Variants in TAOK1 observed in about 807,000 individuals in gnomAD.
The protein encoded by TAOK1 is serine/threonine-protein kinase TAO1.
Under a neutral mutation model 138.3 loss-of-function variants are expected in TAOK1, and 21 were observed. The ratio of observed to expected loss-of-function variants is 0.15; its 90% CI spans 0.11 to 0.22. TAOK1 has a LOEUF of 0.22. TAOK1 is among the 10% of genes least tolerant of loss of function. The pLI is 1.00. For synonymous variants in TAOK1, 361 were observed against 398.4 expected (o/e 0.91, Z 1.12); for missense variants, 651 against 1,227.7 (o/e 0.53, Z 7.02).
intron 19 of TAOK1, among the ~76,000 whole-genome samples, chr17:29,537,381 A>C (rs2032240029): frequency 6.6e-6 from 1 of 151,704 alleles, no homozygotes; most frequent in Non-Finnish European, 1.5e-5. Context: ...ACAGAGACTC[A>C]CTCTGTTGCC....
chr17:29,453,954 G>A (rs189302657), intron 2 of TAOK1, among the ~76,000 whole-genome samples: 29 of 150,478 alleles, frequency 1.9e-4, no homozygotes, highest in African/African-American at 5.9e-4. Flanking sequence ...GACCACAAGC[G>A]TGCACCACCA....
chr17:29,513,077 G>T (rs2031753604), intron 15 of TAOK1: 1 of 115,724 alleles, frequency 8.6e-6, no homozygotes, highest in African/African-American at 3.5e-5. Flanking sequence ...CCGTCTTATA[G>T]GATGATTGAA....
At chr17:29,409,403 C>T (rs531921205) in intron 1 of TAOK1, among the ~76,000 whole-genome samples, 2 of 141,642 alleles carry the variant, frequency 1.4e-5, no homozygotes, top group African/African-American at 2.7e-5. Flanking sequence ...GGTGAAATCT[C>T]GGCTCACTGC....
chr17:29,502,630 A>G lies in TAOK1; in HGVS notation c.1245A>G (p.Arg415=), dbSNP rs748288837. ...NYREEGDPRT[R]ASDPQSPPQV... Reference sequence around the variant, plus strand: ...GAGAAGAGGGAGATCCTAGAACAAGAGCATCAGATCCACAATCTCCACCCC... The same window carrying G: ...GAGAAGAGGGAGATCCTAGAACAAGGGCATCAGATCCACAATCTCCACCCC... Residue 415 remains arginine, a synonymous_variant, in exon 13 of 20, where the codon AGA becomes AGG. Coordinates refer to ENST00000261716, the MANE Select transcript of TAOK1 (RefSeq NM_020791.4). The G allele has an allele frequency of 1.2e-5, 20 of 1,613,638 alleles. No homozygotes were observed. In the East Asian group the frequency reaches 4.5e-4, roughly 36 times the overall value.
At chr17:29,443,525 A>T (rs2030000269) in intron 1 of TAOK1, among the ~76,000 whole-genome samples, 1 of 152,180 alleles carries the variant, frequency 6.6e-6, no homozygotes, top group Non-Finnish European at 1.5e-5. Context: ...CACCCACAAA[A>T]ATTATGTATG....
chr17:29,450,783 T>C (rs1383329132), intron 1 of TAOK1, among the ~76,000 whole-genome samples: 1 of 152,188 alleles, frequency 6.6e-6, no homozygotes, highest in Non-Finnish European at 1.5e-5. Flanking sequence ...CCCAAAGAGC[T>C]GGGATTACAG....
intron 3 of TAOK1, among the ~76,000 whole-genome samples, chr17:29,471,986 C>T (rs1172148891): frequency 6.6e-6 from 1 of 152,188 alleles, no homozygotes; most frequent in East Asian, 1.9e-4. Flanking sequence ...GTAGTCACAT[C>T]TTCAGGCTCC....
At chr17:29,446,038 CAG>C (rs1361037283) in intron 1 of TAOK1, among the ~76,000 whole-genome samples, 5 of 152,078 alleles carry the variant, frequency 3.3e-5, no homozygotes, top group African/African-American at 1.2e-4. Context: ...TCTGTGTTGT[CAG>C]ATTTATGAGC....
intron 1 of TAOK1, among the ~76,000 whole-genome samples, chr17:29,448,674 A>G (rs2030155586): frequency 6.6e-6 from 1 of 152,186 alleles, no homozygotes; most frequent in South Asian, 2.1e-4. Flanking sequence ...TAACAACTTT[A>G]AAGTTTTTGT....
intron 8 of TAOK1, among the ~76,000 whole-genome samples, chr17:29,487,379 G>A (rs1567732132): frequency 6.7e-6 from 1 of 150,122 alleles, no homozygotes; most frequent in African/African-American, 2.5e-5. Context: ...TAAATTTATT[G>A]TTTTCAAATA....
chr17:29,517,018 G>C (rs933571438), intron 15 of TAOK1, among the ~76,000 whole-genome samples: 1 of 147,876 alleles, frequency 6.8e-6, no homozygotes, highest in Non-Finnish European at 1.5e-5. Context: ...ACAGAGTCTC[G>C]CTCTGTCACC....
intron 1 of TAOK1, among the ~76,000 whole-genome samples, chr17:29,446,066 G>A (rs1288453424): frequency 3.3e-5 from 5 of 151,998 alleles, no homozygotes; most frequent in Non-Finnish European, 2.9e-5. Flanking sequence ...GCTGTTCATT[G>A]TATTTCCTCA....
chr17:29,450,014 T>C (rs2030191885), intron 1 of TAOK1, among the ~76,000 whole-genome samples: 2 of 152,136 alleles, frequency 1.3e-5, no homozygotes, highest in Admixed American at 1.3e-4. Flanking sequence ...CACTGTGAAG[T>C]AGATTTTTTC....
chr17:29,429,912 AG>A (rs1905771402), intron 1 of TAOK1, among the ~76,000 whole-genome samples: 1 of 152,214 alleles, frequency 6.6e-6, no homozygotes, highest in South Asian at 2.1e-4. Context: ...TAAGACTATA[AG>A]ATCTAATCAA....
At chr17:29,440,355 A>T (rs950042283) in intron 1 of TAOK1, among the ~76,000 whole-genome samples, 1 of 152,118 alleles carries the variant, frequency 6.6e-6, no homozygotes, top group Non-Finnish European at 1.5e-5. Context: ...TGAGAGAGAC[A>T]TTACAAGAAT....
chr17:29,397,672 T>TATACATGTATAGATGTATATTCATGTATG (rs74203913), intron 1 of TAOK1, among the ~76,000 whole-genome samples: 1 of 59,614 alleles, frequency 1.7e-5, no homozygotes, highest in Admixed American at 1.7e-4. Context: ...ATGATACATG[T>TATACATGTATAGATGTATATTCATGTATG]ATACATGTAT....
intron 8 of TAOK1, among the ~76,000 whole-genome samples, chr17:29,486,192 G>A (rs553189021): frequency 1.3e-5 from 2 of 152,288 alleles, no homozygotes; most frequent in Non-Finnish European, 2.9e-5. Flanking sequence ...TGGGGGCTGA[G>A]GTGAGAGGAT....
Position 29,481,196 on chromosome 17 carries a change from C to CT in TAOK1, c.563+730dup, listed in dbSNP as rs35861778. Among the ~76,000 whole-genome samples, 842 of 142,790 alleles carry CT rather than the reference C, an allele frequency of 5.9e-3. 2 individuals are homozygous for CT. Among genetic ancestry groups the CT allele is most frequent in the African/African-American group, 0.015 (565 of 38,878 alleles). The allele number at this position is 142,790 out of a possible 152,430, so 93.7% of individuals were successfully genotyped here. On this transcript the variant is annotated intron_variant, in intron 7 of 19. Coordinates refer to ENST00000261716, the MANE Select transcript of TAOK1 (RefSeq NM_020791.4). ...TTCAATCTTTTAAGCAAAAATTAGACTTTTTTTTTTTTTTTGAGACATAGT... is the reference window on the plus strand; with the variant it reads ...TTCAATCTTTTAAGCAAAAATTAGACTTTTTTTTTTTTTTTTGAGACATAGT...
intron 2 of TAOK1, among the ~76,000 whole-genome samples, chr17:29,456,610 A>C (rs2030383130): frequency 1.3e-5 from 2 of 150,900 alleles, no homozygotes; most frequent in South Asian, 4.1e-4. Context: ...ATACCCAGCC[A>C]GTAAGTGTAA....
Sources: allele counts gnomAD v4.1 joint callset (sites outside exome capture counted in the v4.1 genomes callset), GRCh38; gene constraint gnomAD v4.1.1; transcripts MANE v1.5; gene names NCBI Gene and HGNC (gene_info 2026-07-23, HGNC 2026-07-21).